The following OR3A2 variants were observed in gnomAD, a reference collection of about 807,000 sequenced individuals.
The protein encoded by OR3A2 is olfactory receptor 3A2.
For synonymous variants in OR3A2, 126 were observed against 159.3 expected, an observed-to-expected ratio of 0.79 and a Z score of 1.57; for missense variants, 318 against 392.8, an observed-to-expected ratio of 0.81 and a Z score of 1.61.
At chr17:3,310,968 T>C (rs536076028) in intron 3 of OR3A2, 4 of 561,944 alleles carry the variant, frequency 7.1e-6, no homozygotes, top group Middle Eastern at 3.1e-4. Context: ...CATCACTGTG[T>C]CCTATGCCCA....
chr17:3,375,864 T>C (rs1240751009), intron 2 of OR3A2, among the ~76,000 whole-genome samples: 2 of 152,126 alleles, frequency 1.3e-5, no homozygotes, highest in African/African-American at 4.8e-5. Context: ...TGATTGTTAT[T>C]TGTCTTCTGG....
Position 3,339,420 on chromosome 17 carries a change from C to A in OR3A2, c.-178-3294G>T, listed in dbSNP as rs567402565. ...GGCTGTGGGTTTATCATAAATAGCT[C>A]TTATCTCTTATTATTTTGAGATACG... is the stretch of plus-strand genomic sequence containing the variant. On this transcript the variant is annotated intron_variant, in intron 2 of 4. Coordinates refer to the OR3A2 transcript ENST00000573491. 2.0e-5 allele frequency among the ~76,000 whole-genome samples: 3 copies of A among 152,088 alleles called. No individual in the cohort carries two copies. In the East Asian group the frequency reaches 5.8e-4, roughly 29 times the overall value.
chr17:3,359,070 A>C (rs149289931), intron 2 of OR3A2, among the ~76,000 whole-genome samples: 9 of 151,634 alleles, frequency 5.9e-5, no homozygotes, highest in African/African-American at 1.9e-4. Flanking sequence ...GTTGGTTTTA[A>C]ATCTGTTTTG....
At chr17:3,346,098 G>A (rs2049362016) in intron 2 of OR3A2, among the ~76,000 whole-genome samples, 1 of 151,996 alleles carries the variant, frequency 6.6e-6, no homozygotes, top group Non-Finnish European at 1.5e-5. Context: ...ATTTTTGAAG[G>A]CACCACAGAG....
intron 3 of OR3A2, among the ~76,000 whole-genome samples, chr17:3,322,982 C>T (rs1218912885): frequency 6.6e-6 from 1 of 151,930 alleles, no homozygotes; most frequent in Non-Finnish European, 1.5e-5. Flanking sequence ...TTAAAGTCTC[C>T]CATTATTATT....
chr17:3,361,013 T>C (rs1195686934), intron 2 of OR3A2, among the ~76,000 whole-genome samples: 9 of 151,592 alleles, frequency 5.9e-5, no homozygotes, highest in East Asian at 3.9e-4. Context: ...TTGGGCAGTA[T>C]GGCCATTTTC....
At chr17:3,323,487 G>A (rs1346761214) in intron 3 of OR3A2, among the ~76,000 whole-genome samples, 2 of 152,124 alleles carry the variant, frequency 1.3e-5, no homozygotes, top group East Asian at 3.9e-4. Context: ...TTTTTGCAGT[G>A]GCTGGTACCG....
chr17:3,371,797 G>T (rs1298167455), intron 2 of OR3A2, among the ~76,000 whole-genome samples: 1 of 125,058 alleles, frequency 8.0e-6, no homozygotes, highest in African/African-American at 3.1e-5. Context: ...CTCACCTCCT[G>T]GCCGGGGCGG....
intron 2 of OR3A2, among the ~76,000 whole-genome samples, chr17:3,367,601 G>GTGTATATATA (rs1555530074): frequency 2.9e-4 from 35 of 122,538 alleles, no homozygotes; most frequent in East Asian, 6.6e-4. Context: ...GTGTGTGTGT[G>GTGTATATATA]TATATATATA....
chr17:3,355,394 G>A (rs2049457784), intron 2 of OR3A2, among the ~76,000 whole-genome samples: 1 of 150,550 alleles, frequency 6.6e-6, no homozygotes, highest in Non-Finnish European at 1.5e-5. Flanking sequence ...TGAAAGTGGG[G>A]TATTGAAGTC....
chr17:3,379,778 C>A (rs2318028), intron 2 of OR3A2, among the ~76,000 whole-genome samples: 22,996 of 152,146 alleles, frequency 0.15, 2,312 homozygotes, highest in African/African-American at 0.28. Flanking sequence ...CCGTCCCTCA[C>A]ATGCCATCCT....
At chr17:3,344,302 TGAA>T (rs762975906) in intron 2 of OR3A2, among the ~76,000 whole-genome samples, 14 of 143,484 alleles carry the variant, frequency 9.8e-5, no homozygotes, top group East Asian at 2.0e-4. Context: ...AAAAATACCC[TGAA>T]GAAGAAGATT....
At chr17:3,373,129 C>T (rs906849319) in intron 2 of OR3A2, among the ~76,000 whole-genome samples, 4 of 152,024 alleles carry the variant, frequency 2.6e-5, no homozygotes, top group African/African-American at 9.7e-5. Context: ...GAGTTAATTT[C>T]CAATTTTATT....
At chr17:3,299,443 G>A (rs558699695) in intron 3 of OR3A2, among the ~76,000 whole-genome samples, 21 of 152,306 alleles carry the variant, frequency 1.4e-4, no homozygotes, top group African/African-American at 4.8e-4. Flanking sequence ...TGGAATTGGT[G>A]GTAGAAGAGC....
upstream of OR3A2, among the ~76,000 whole-genome samples, chr17:3,287,633 G>A (rs1272745372): frequency 2.0e-5 from 3 of 151,950 alleles, no homozygotes; most frequent in East Asian, 3.9e-4. Flanking sequence ...ATTAATTCTG[G>A]ACTGTATCCT....
chr17:3,345,397 C>T (rs2049353901), intron 2 of OR3A2, among the ~76,000 whole-genome samples: 1 of 144,478 alleles, frequency 6.9e-6, no homozygotes, highest in African/African-American at 2.6e-5. Context: ...GAGTACAAGA[C>T]CAAAAACAAG....
intron 2 of OR3A2, among the ~76,000 whole-genome samples, chr17:3,373,209 C>G (rs2049647947): frequency 6.6e-6 from 1 of 152,086 alleles, no homozygotes; most frequent in Non-Finnish European, 1.5e-5. Flanking sequence ...TGTTTTGTGG[C>G]CTATCATGTG....
At chr17:3,359,864 A>G (rs1328191509) in intron 2 of OR3A2, among the ~76,000 whole-genome samples, 1 of 151,816 alleles carries the variant, frequency 6.6e-6, no homozygotes, top group African/African-American at 2.4e-5. Flanking sequence ...TATTGTGAGT[A>G]GTGCCGCAAT....
intron 3 of OR3A2, among the ~76,000 whole-genome samples, chr17:3,332,356 C>G (rs1433210321): frequency 1.3e-5 from 2 of 152,226 alleles, no homozygotes; most frequent in Non-Finnish European, 2.9e-5. Context: ...TGCTAGCAAT[C>G]AGCGAGACTC....
Sources: gnomAD v4.1 joint callset for allele counts (sites outside exome capture counted in the v4.1 genomes callset) on GRCh38, gnomAD v4.1.1 for gene constraint, MANE v1.5 for transcripts, NCBI Gene and HGNC (gene_info 2026-07-23, HGNC 2026-07-21) for gene names.